ITPR1: variants seen among roughly 807,000 people sequenced by gnomAD.
ITPR1 encodes inositol 1,4,5-trisphosphate receptor type 1, also known as inositol 1,4,5-trisphosphate-gated calcium channel ITPR1.
A neutral mutation model predicts 318.4 loss-of-function variants in ITPR1; 96 were observed. The observed-to-expected ratio is 0.30, with a 90% CI of 0.26 to 0.36. ITPR1 has a LOEUF of 0.36. ITPR1 is among the 10% of genes least tolerant of loss of function. The pLI is 1.00. For missense variants in ITPR1, 2,440 were observed against 3,460.2 expected, an observed-to-expected ratio of 0.71 and a Z score of 7.40; for synonymous variants, 1,312 against 1,289.9, an observed-to-expected ratio of 1.02 and a Z score of -0.37.
chr3:4,775,473 A>G (rs538887362), intron 47 of ITPR1, 31 bp downstream of exon 47: 4 of 1,535,808 alleles, frequency 2.6e-6, no homozygotes, highest in African/African-American at 1.4e-5. Flanking sequence ...GGATGGGGAA[A>G]AAAAGTGTCC....
intron 4 of ITPR1, among the ~76,000 whole-genome samples, chr3:4,590,174 C>CTTTTTTTTTTTTT (rs10713337): frequency 3.4e-5 from 3 of 87,432 alleles, no homozygotes; most frequent in African/African-American, 4.6e-5. Flanking sequence ...CTTCGTCTTG[C>CTTTTTTTTTTTTT]TTTTTTTTTT....
At chr3:4,678,931 A>C (rs1174081034) in intron 24 of ITPR1, among the ~76,000 whole-genome samples, 1 of 152,172 alleles carries the variant, frequency 6.6e-6, no homozygotes, top group African/African-American at 2.4e-5. Flanking sequence ...GGTGTCTAAA[A>C]TGCTAAGGCT....
chr3:4,748,144 G>T (rs761103360), intron 44 of ITPR1, among the ~76,000 whole-genome samples: 4 of 152,332 alleles, frequency 2.6e-5, no homozygotes, highest in Middle Eastern at 6.8e-3. Context: ...AAAAAGCCAT[G>T]TGTCTTACCC....
intron 10 of ITPR1, among the ~76,000 whole-genome samples, chr3:4,649,089 CA>C (rs200607578): frequency 2.0e-5 from 3 of 148,652 alleles, no homozygotes; most frequent in Non-Finnish European, 4.5e-5. Context: ...GATACTGGTA[CA>C]AAAAAAAATG....
chr3:4,526,829 A>T (rs965035960), intron 4 of ITPR1, among the ~76,000 whole-genome samples: 1 of 152,340 alleles, frequency 6.6e-6, no homozygotes, highest in South Asian at 2.1e-4. Context: ...TTTGTACTCC[A>T]TGAGGAAAGA....
chr3:4,679,635 G>T (rs186015672), intron 24 of ITPR1, among the ~76,000 whole-genome samples: 22 of 152,316 alleles, frequency 1.4e-4, no homozygotes, highest in Non-Finnish European at 2.9e-4. Flanking sequence ...TGATTCAAAT[G>T]CCAGTCCATT....
chr3:4,764,609 G>A (rs1004713417), intron 44 of ITPR1, among the ~76,000 whole-genome samples: 1 of 152,220 alleles, frequency 6.6e-6, no homozygotes, highest in Non-Finnish European at 1.5e-5. Flanking sequence ...ATAGGCTTGG[G>A]AGCTGCTGTA....
intron 60 of ITPR1, among the ~76,000 whole-genome samples, chr3:4,820,811 C>A (rs1400116620): frequency 6.6e-6 from 1 of 152,200 alleles, no homozygotes; most frequent in African/African-American, 2.4e-5. Context: ...GGCTTGAAAC[C>A]ACATGAATCC....
At chr3:4,544,994 C>G (rs535767203) in intron 4 of ITPR1, among the ~76,000 whole-genome samples, 2 of 152,122 alleles carry the variant, frequency 1.3e-5, no homozygotes, top group African/African-American at 4.8e-5. Context: ...TGGAGTCTCC[C>G]TATGTTGCCC....
At chr3:4,747,776 G>C (rs529501924) in intron 44 of ITPR1, among the ~76,000 whole-genome samples, 1 of 152,194 alleles carries the variant, frequency 6.6e-6, no homozygotes. Flanking sequence ...CTGTCCTACA[G>C]AACTTCCTCA....
chr3:4,809,713 A>G (rs1431031528), intron 55 of ITPR1, among the ~76,000 whole-genome samples: 1 of 152,232 alleles, frequency 6.6e-6, no homozygotes, highest in Non-Finnish European at 1.5e-5. Flanking sequence ...CAGAAACTAT[A>G]GATGAGTGAA....
chr3:4,699,379 C>T (rs533189330), intron 34 of ITPR1, among the ~76,000 whole-genome samples: 70 of 151,746 alleles, frequency 4.6e-4, no homozygotes, highest in Non-Finnish European at 7.5e-4. Context: ...GGATTGGAGA[C>T]GGTCAGGTCC....
At chr3:4,751,567 C>T (rs186681917) in intron 44 of ITPR1, 21 of 152,298 alleles carry the variant, frequency 1.4e-4, no homozygotes, top group Admixed American at 4.6e-4. Flanking sequence ...AAGCCAAACC[C>T]ACCTCTGCCT....
chr3:4,695,013 T>G (rs988478390), intron 33 of ITPR1, among the ~76,000 whole-genome samples: 1 of 152,256 alleles, frequency 6.6e-6, no homozygotes, highest in African/African-American at 2.4e-5. Context: ...GGTATACTAT[T>G]CTGTACCTTA....
chr3:4,722,102 A>G (rs939524294), intron 40 of ITPR1, among the ~76,000 whole-genome samples: 81 of 152,322 alleles, frequency 5.3e-4, no homozygotes, highest in African/African-American at 1.9e-3. Context: ...CAGGAAGGAC[A>G]CTTAAGATTC....
chr3:4,755,928 T>TA lies in ITPR1; in HGVS notation c.5545-10602_5545-10601insA, dbSNP rs571903309. On this transcript the variant is annotated intron_variant, in intron 44 of 61. Coordinates refer to ENST00000649015, the MANE Select transcript of ITPR1 (RefSeq NM_001378452.1). Reference sequence around the variant, plus strand: ...CTTCCTTTCTACTTGGAAGTCTATGTTATTTCTGAACTCATTAAAGCTGGA... The same window carrying TA: ...CTTCCTTTCTACTTGGAAGTCTATGTATATTTCTGAACTCATTAAAGCTGGA... Among the ~76,000 whole-genome samples the TA allele has an allele frequency of 1.8e-4, 28 of 152,338 alleles. No individual in the cohort carries two copies. In the South Asian group the frequency reaches 4.8e-3, roughly 26 times the overall value.
chr3:4,833,107 A>G (rs11708908), intron 60 of ITPR1, among the ~76,000 whole-genome samples: 15,037 of 152,282 alleles, frequency 0.099, 838 homozygotes, highest in African/African-American at 0.13. Context: ...CATGCAGGAC[A>G]CAGATATTGT....
intron 4 of ITPR1, among the ~76,000 whole-genome samples, chr3:4,541,534 T>G (rs1057292310): frequency 6.6e-6 from 1 of 152,182 alleles, no homozygotes; most frequent in Non-Finnish European, 1.5e-5. Context: ...CAGTTTCTTT[T>G]TATTTATCCT....
chr3:4,688,337 T>G (rs923921142), intron 30 of ITPR1, among the ~76,000 whole-genome samples, 158 bp from the exon 31 acceptor site: 5 of 152,194 alleles, frequency 3.3e-5, no homozygotes, highest in African/African-American at 1.2e-4. Flanking sequence ...AGTTACTGGC[T>G]TCTTTTCAGC....
Sources: gnomAD v4.1 joint callset for allele counts (sites outside exome capture counted in the v4.1 genomes callset) on GRCh38, gnomAD v4.1.1 for gene constraint, MANE v1.5 for transcripts, NCBI Gene and HGNC (gene_info 2026-07-23, HGNC 2026-07-21) for gene names.